The following THSD7B variants were observed in gnomAD, a reference collection of about 807,000 sequenced individuals.
THSD7B encodes thrombospondin type-1 domain-containing protein 7B.
A neutral mutation model predicts 213.6 loss-of-function variants in THSD7B; 138 were observed. The ratio of observed to expected loss-of-function variants is 0.65; its 90% CI spans 0.56 to 0.74. The LOEUF is 0.74. Among genes scored for constraint, THSD7B ranks in the 30% least tolerant of loss-of-function variants. The pLI is 0.00. For missense variants in THSD7B, 1,931 were observed against 1,991.5 expected, an observed-to-expected ratio of 0.97 and a Z score of 0.58; for synonymous variants, 742 against 687.0, an observed-to-expected ratio of 1.08 and a Z score of -1.25.
chr2:137,665,690 T>C (rs1214216626), intron 26 of THSD7B, among the ~76,000 whole-genome samples: 1 of 152,024 alleles, frequency 6.6e-6, no homozygotes, highest in Admixed American at 6.6e-5. Flanking sequence ...GTCCGTAAAT[T>C]ATATGAATTA....
chr2:137,601,615 C>G (rs542905391), intron 17 of THSD7B, among the ~76,000 whole-genome samples: 43 of 152,208 alleles, frequency 2.8e-4, no homozygotes, highest in African/African-American at 1.0e-3. Flanking sequence ...GAACATATCC[C>G]CGTCATTAAG....
At chr2:137,318,648 A>G (rs1295924552) in intron 12 of THSD7B, among the ~76,000 whole-genome samples, 3 of 152,214 alleles carry the variant, frequency 2.0e-5, no homozygotes, top group Non-Finnish European at 4.4e-5. Flanking sequence ...TTCCTAGCAC[A>G]GAAACAGCAT....
intron 2 of THSD7B, among the ~76,000 whole-genome samples, chr2:136,887,367 A>G (rs1683737302): frequency 6.6e-6 from 1 of 151,324 alleles, no homozygotes; most frequent in Non-Finnish European, 1.5e-5. Flanking sequence ...ATCCTAAGAG[A>G]TTACTCTTGA....
intron 14 of THSD7B, among the ~76,000 whole-genome samples, chr2:137,419,950 G>A (rs1409227655): frequency 2.0e-5 from 3 of 152,028 alleles, no homozygotes; most frequent in African/African-American, 7.2e-5. Context: ...TATGTCTCTT[G>A]AATATATACT....
intron 12 of THSD7B, among the ~76,000 whole-genome samples, chr2:137,314,733 C>T (rs1684037955): frequency 6.6e-6 from 1 of 152,178 alleles, no homozygotes; most frequent in Non-Finnish European, 1.5e-5. Context: ...ACAGACAGGA[C>T]CCTCAGCTGC....
intron 3 of THSD7B, among the ~76,000 whole-genome samples, chr2:137,082,693 T>A (rs1024390728): frequency 2.0e-5 from 3 of 152,118 alleles, no homozygotes; most frequent in African/African-American, 7.2e-5. Context: ...GACCTTCAGA[T>A]GATTGCTGAT....
chr2:137,214,895 C>T (rs1048691395), intron 7 of THSD7B, among the ~76,000 whole-genome samples: 5 of 152,108 alleles, frequency 3.3e-5, no homozygotes, highest in African/African-American at 7.2e-5. Flanking sequence ...AATAAACATA[C>T]GTGTGCATAT....
At chr2:137,291,783 C>T (rs1683345345) in intron 12 of THSD7B, among the ~76,000 whole-genome samples, 1 of 152,052 alleles carries the variant, frequency 6.6e-6, no homozygotes, top group Admixed American at 6.6e-5. Context: ...TGCCATACAA[C>T]CCAATTCTCT....
intron 1 of THSD7B, among the ~76,000 whole-genome samples, chr2:136,801,905 T>C (rs1257016793): frequency 6.6e-6 from 1 of 152,146 alleles, no homozygotes; most frequent in African/African-American, 2.4e-5. Context: ...TTCATTCTGA[T>C]TGCATAATAT....
At chr2:136,829,732 T>C (rs965796288) in intron 1 of THSD7B, among the ~76,000 whole-genome samples, 1 of 152,014 alleles carries the variant, frequency 6.6e-6, no homozygotes, top group Non-Finnish European at 1.5e-5. Context: ...TGAGGGAAAA[T>C]ATGGGTCTGT....
At chr2:137,155,621 A>T (rs780967621) in intron 5 of THSD7B, among the ~76,000 whole-genome samples, 1 of 152,174 alleles carries the variant, frequency 6.6e-6, no homozygotes, top group Non-Finnish European at 1.5e-5. Context: ...AATGTATTTC[A>T]ATATGAACAG....
At chr2:137,187,315 C>G (rs934130889) in intron 7 of THSD7B, among the ~76,000 whole-genome samples, 1 of 152,090 alleles carries the variant, frequency 6.6e-6, no homozygotes, top group African/African-American at 2.4e-5. Flanking sequence ...AAAGGAATGA[C>G]CTGACCTGCC....
chr2:137,358,918 G>A (rs769705785), intron 12 of THSD7B, among the ~76,000 whole-genome samples: 1 of 152,108 alleles, frequency 6.6e-6, no homozygotes, highest in Non-Finnish European at 1.5e-5. Context: ...GTGTTTGTAG[G>A]CTCCCTGAGT....
At chr2:137,664,206 C>G (rs1032159507) in intron 26 of THSD7B, among the ~76,000 whole-genome samples, 2 of 152,200 alleles carry the variant, frequency 1.3e-5, no homozygotes, top group Non-Finnish European at 2.9e-5. Context: ...ACTCTTATAA[C>G]TGAATTTGTA....
In THSD7B at chr2:137,056,894, C is replaced by A; in HGVS notation, c.614C>A (p.Ala205Glu). 3 of 1,613,908 alleles carry A rather than the reference C, an allele frequency of 1.9e-6. No individual in the cohort carries two copies. Among genetic ancestry groups the A allele is most frequent in the Non-Finnish European group, 2.5e-6 (3 of 1,179,872 alleles). Residue 205 changes from alanine (A) to glutamate (E), a missense_variant, in exon 3 of 28, where the codon GCG (alanine) becomes GAG (glutamate). Transcript: ENST00000409968. ...AAGAAATTGCAGCATAGAACTCGCG[C>A]GGTCATAGCTCCCCCTCTCTTTGGT... ...CGKKLQHRTR[A>E]VIAPPLFGGL...
intron 12 of THSD7B, among the ~76,000 whole-genome samples, chr2:137,381,345 G>T (rs576825543): frequency 1.3e-5 from 2 of 152,348 alleles, no homozygotes; most frequent in East Asian, 3.9e-4. Context: ...ACCACGCTAT[G>T]AGAAGTACAC....
intron 1 of THSD7B, among the ~76,000 whole-genome samples, chr2:136,827,157 C>A (rs1165105437): frequency 6.6e-6 from 1 of 152,196 alleles, no homozygotes; most frequent in Non-Finnish European, 1.5e-5. Flanking sequence ...GTTTCTCTGG[C>A]AGTGTTAGGT....
chr2:136,828,202 C>T (rs979570074), intron 1 of THSD7B, among the ~76,000 whole-genome samples: 2 of 152,156 alleles, frequency 1.3e-5, no homozygotes, highest in Non-Finnish European at 2.9e-5. Flanking sequence ...CCCATCTTAA[C>T]CTCTCTAGAG....
intron 12 of THSD7B, among the ~76,000 whole-genome samples, chr2:137,395,145 A>G (rs1050440706): frequency 1.4e-5 from 2 of 144,262 alleles, no homozygotes; most frequent in Non-Finnish European, 3.1e-5. Flanking sequence ...CTAATTGAAT[A>G]CCCTTTATTT....
Sources: gnomAD v4.1 joint callset for allele counts (sites outside exome capture counted in the v4.1 genomes callset) on GRCh38, gnomAD v4.1.1 for gene constraint, MANE v1.5 for transcripts, NCBI Gene and HGNC (gene_info 2026-07-23, HGNC 2026-07-21) for gene names.